HES1: variants seen among roughly 807,000 people sequenced by gnomAD.
HES1 encodes transcription factor HES-1.
A neutral mutation model predicts 21.0 loss-of-function variants in HES1; 7 were observed. The ratio of observed to expected loss-of-function variants is 0.33; its 90% CI spans 0.19 to 0.63. The LOEUF is 0.63. Among genes scored for constraint, HES1 ranks in the 20% least tolerant of loss-of-function variants. HES1 has a pLI of 0.78. For synonymous variants in HES1, 169 were observed against 171.2 expected, an observed-to-expected ratio of 0.99 and a Z score of 0.10; for missense variants, 338 against 389.8, an observed-to-expected ratio of 0.87 and a Z score of 1.12.
Position 194,137,121 on chromosome 3 carries a change from C to T in HES1, c.292+73C>T. On this transcript the variant is annotated intron_variant, in intron 3 of 3. Coordinates refer to ENST00000232424, the MANE Select transcript of HES1 (RefSeq NM_005524.4). The surrounding 1 kb of genome is among the most constrained non-coding windows in gnomAD (Gnocchi z 5.4). ...CGCGGTGATTTCTTCCAGACTTCCG[C>T]CCGTGGTTGTGAGAGGCATTCAGCT... The T allele has an allele frequency of 2.3e-6, 3 of 1,331,090 alleles. No individual in the cohort carries two copies. The Admixed American group carries it at 5.1e-5, about 23-fold the overall frequency. 82.5% of individuals were successfully genotyped at this position (1,331,090 alleles called of 1,614,324 possible).
Position 194,137,037 on chromosome 3 carries a change from C to T in HES1, c.281C>T (p.Ala94Val). The change falls in exon 3 of 4, where the codon GCG becomes GTG. Residue 94 changes from alanine (A) to valine (V), a missense_variant. Ala to Val is a moderately conservative substitution (Grantham distance 64, BLOSUM62 0). Coordinates refer to ENST00000232424, the MANE Select transcript of HES1 (RefSeq NM_005524.4). The surrounding 1 kb of genome is among the most constrained non-coding windows in gnomAD (Gnocchi z 5.4). The part of the protein sequence containing the change: ...TVKHLRNLQR[A>V]QMTAALSTDP... The stretch of plus-strand genomic sequence containing the variant: ...AAGCACCTCCGGAACCTGCAGCGGG[C>T]GCAGATGACGGGTGAGGGCGGCTCG... 1 of 1,613,996 alleles carries T rather than the reference C, an allele frequency of 6.2e-7. No homozygotes were observed. Among genetic ancestry groups the T allele is most frequent in the Non-Finnish European group, 8.5e-7 (1 of 1,179,878 alleles).
At position 194,137,251 on chromosome 3, in the gene HES1, C is replaced by G; in HGVS notation, c.292+203C>G. Reference sequence around the variant, plus strand: ...TCCGGAAAGGGAGGGAAAGAGGTTGCAGCCGCGAGGGTGGCGGGCGCCGGG... The same window carrying G: ...TCCGGAAAGGGAGGGAAAGAGGTTGGAGCCGCGAGGGTGGCGGGCGCCGGG... On this transcript the variant is annotated intron_variant, in intron 3 of 3. Transcript: ENST00000232424. The surrounding 1 kb of genome is among the most constrained non-coding windows in gnomAD (Gnocchi z 5.4). 1.6e-6 allele frequency: 1 copy of G among 622,432 alleles called. No homozygotes were observed. Among genetic ancestry groups the G allele is most frequent in the East Asian group, 2.7e-5 (1 of 36,428 alleles). The allele number at this position is 622,432 out of a possible 1,614,324, so 38.6% of individuals were successfully genotyped here.
At position 194,137,858 on chromosome 3, in the gene HES1, C is replaced by T. The variant is rs144918671; in HGVS notation, c.468C>T (p.Pro156=). 28 of 1,535,086 alleles carry T rather than the reference C, an allele frequency of 1.8e-5. No individual in the cohort carries two copies. Among genetic ancestry groups the T allele is most frequent in the Non-Finnish European group, 2.4e-5 (27 of 1,138,730 alleles). ...CMTQINAMTY[P]GQPHPALQAP... is the part of the protein sequence containing the mutation. ...CCCAGATCAATGCCATGACCTACCC[C>T]GGGCAGCCGCACCCCGCCTTGCAGG... Residue 156 remains proline, a synonymous_variant, in exon 4 of 4, where the codon CCC becomes CCT. Coordinates refer to ENST00000232424, the MANE Select transcript of HES1 (RefSeq NM_005524.4). The surrounding 1 kb of genome is among the most constrained non-coding windows in gnomAD (Gnocchi z 5.4).
In HES1 at chr3:194,137,712, G is replaced by C. The variant is rs777042921; in HGVS notation, c.322G>C (p.Gly108Arg). 1.2e-5 allele frequency: 19 copies of C among 1,613,390 alleles called. No homozygotes were observed. The highest frequency in any genetic ancestry group is 4.2e-6 in the Non-Finnish European group (5 of 1,179,756). Residue 108 changes from glycine (G) to arginine (R), a missense_variant, in exon 4 of 4, where the codon GGG becomes CGG. Transcript: ENST00000232424. This position sits in a 1 kb window ranked among gnomAD's most constrained non-coding sequence, Gnocchi z 5.4. Reference sequence around the variant, plus strand: ...GCTGAGCACAGACCCAAGTGTGCTGGGGAAGTACCGAGCCGGCTTCAGCGA... The same window carrying C: ...GCTGAGCACAGACCCAAGTGTGCTGCGGAAGTACCGAGCCGGCTTCAGCGA... The part of the protein sequence containing the change: ...AALSTDPSVL[G>R]KYRAGFSECM...
Position 194,137,955 on chromosome 3 carries a change from C to T in HES1, c.565C>T (p.Pro189Ser), listed in dbSNP as rs1247889174. Residue 189 changes from proline to serine, a missense_variant, in exon 4 of 4, where the codon CCC becomes TCC. Transcript: ENST00000232424. This position sits in a 1 kb window ranked among gnomAD's most constrained non-coding sequence, Gnocchi z 5.4. Reference protein sequence around the residue: ...APFAPPPPLVPIPGGAAPPPG... With the variant: ...APFAPPPPLVSIPGGAAPPPG... ...GTTCGCGCCGCCGCCGCCACTCGTG[C>T]CCATCCCCGGGGGCGCGGCGCCCCC... 2 of 1,347,666 alleles carry T rather than the reference C, an allele frequency of 1.5e-6. No individual in the cohort carries two copies. The highest frequency in any genetic ancestry group is 1.9e-6 in the Non-Finnish European group (2 of 1,047,546). The allele number at this position is 1,347,666 out of a possible 1,614,324, so 83.5% of individuals were successfully genotyped here. A position where few individuals can be genotyped will look rare whatever the true frequency, so the allele number is the denominator to read the frequency against.
At position 194,136,225 on chromosome 3, in the gene HES1, T is replaced by G. The variant is rs1443947748; in HGVS notation, c.-156T>G. On this transcript the variant is annotated 5_prime_UTR_variant, in exon 1 of 4. Transcript: ENST00000232424. ...CTCCTTGGTCCTGGAACAGCGCTAC[T>G]GATCACCAAGTAGCCACAAAATATA... The G allele has an allele frequency of 1.7e-6, 1 of 605,658 alleles. No homozygotes were observed. Among genetic ancestry groups the G allele is most frequent in the East Asian group, 2.8e-5 (1 of 35,690 alleles). 37.5% of individuals were successfully genotyped at this position (605,658 alleles called of 1,614,324 possible). A position where few individuals can be genotyped will look rare whatever the true frequency, so the allele number is the denominator to read the frequency against.
In HES1 at chr3:194,137,941, C is replaced by T; in HGVS notation, c.551C>T (p.Pro184Leu). Residue 184 changes from proline (P) to leucine (L), a missense_variant, in exon 4 of 4, where the codon CCG becomes CTG. Coordinates refer to ENST00000232424, the MANE Select transcript of HES1 (RefSeq NM_005524.4). The surrounding 1 kb of genome is among the most constrained non-coding windows in gnomAD (Gnocchi z 5.4). ...CCCCAGCACGCGCCGTTCGCGCCGC[C>T]GCCGCCACTCGTGCCCATCCCCGGG... ...GGPQHAPFAPPPPLVPIPGGA... is the reference protein window; with the variant it reads ...GGPQHAPFAPLPPLVPIPGGA... 1.5e-6 allele frequency: 2 copies of T among 1,307,054 alleles called. No homozygotes were observed. The highest frequency in any genetic ancestry group is 9.7e-7 in the Non-Finnish European group (1 of 1,028,392). 81.0% of individuals were successfully genotyped at this position (1,307,054 alleles called of 1,614,324 possible).
chr3:194,138,263 TC>T lies in HES1; in HGVS notation c.*34del. 1 of 1,500,196 alleles carries T rather than the reference TC, an allele frequency of 6.7e-7. No homozygotes were observed. The highest frequency in any genetic ancestry group is 8.9e-7 in the Non-Finnish European group (1 of 1,123,386). 92.9% of individuals were successfully genotyped at this position (1,500,196 alleles called of 1,614,324 possible). On this transcript the variant is annotated 3_prime_UTR_variant, in exon 4 of 4. Transcript: ENST00000232424. The stretch of plus-strand genomic sequence containing the variant: ...GCTCAGGCCACCCCTCCTCCTAAAC[TC>T]CCCAACCCACCTCTCTTCCCTCCGG...
chr3:194,136,538 G>A, intron 1 of HES1, 50 bp downstream of exon 1: 2 of 1,556,522 alleles, frequency 1.3e-6, no homozygotes, highest in South Asian at 1.2e-5. Context: ...TTAAGTAGGG[G>A]TTGGGGGGCT....
rs777856714 is a variant in HES1, at chr3:194,138,007, G to T, written c.617G>T (p.Gly206Val). 1.7e-5 allele frequency: 26 copies of T among 1,508,932 alleles called. No individual in the cohort carries two copies. The highest frequency in any genetic ancestry group is 2.2e-5 in the Non-Finnish European group (25 of 1,124,638). The allele number at this position is 1,508,932 out of a possible 1,614,324, so 93.5% of individuals were successfully genotyped here. A position where few individuals can be genotyped will look rare whatever the true frequency, so the allele number is the denominator to read the frequency against. Residue 206 changes from glycine to valine, a missense_variant, in exon 4 of 4, where the codon GGC becomes GTC. Physicochemically the swap from Gly to Val is moderately radical, Grantham distance 109. Transcript: ENST00000232424. ...CCCGGCGGCGCCCCCTGCAAGCTGG[G>T]CAGCCAGGCTGGAGAGGCGGCTAAG... is the stretch of plus-strand genomic sequence containing the variant. ...PPPGGAPCKLGSQAGEAAKVF... is the reference protein window; with the variant it reads ...PPPGGAPCKLVSQAGEAAKVF...
chr3:194,137,780 C>T lies in HES1; in HGVS notation c.390C>T (p.Gly130=). The part of the protein sequence containing the change: ...EVTRFLSTCE[G]VNTEVRTRLL... ...CCCGCTTCCTGTCCACGTGCGAGGG[C>T]GTTAATACCGAGGTGCGCACTCGGC... The change falls in exon 4 of 4, where the codon GGC becomes GGT. Residue 130 remains glycine, a synonymous_variant. Coordinates refer to ENST00000232424, the MANE Select transcript of HES1 (RefSeq NM_005524.4). This position sits in a 1 kb window ranked among gnomAD's most constrained non-coding sequence, Gnocchi z 5.4. 6.2e-7 allele frequency: 1 copy of T among 1,613,812 alleles called. No homozygotes were observed.
In HES1 at chr3:194,136,373, AAAG is replaced by A. The variant is rs1268297894; in HGVS notation, c.-7_-5del. ...TTCTCTAGAGATAAAAAAAAAAAAA[AAAG>A]GAAAATGCCAGCTGATATAATGGAG... On this transcript the variant is annotated 5_prime_UTR_variant, in exon 1 of 4. Coordinates refer to ENST00000232424, the MANE Select transcript of HES1 (RefSeq NM_005524.4). 2 of 1,535,686 alleles carry A rather than the reference AAAG, an allele frequency of 1.3e-6. No homozygotes were observed. Among genetic ancestry groups the A allele is most frequent in the Admixed American group, 2.2e-5 (1 of 44,804 alleles).
rs767688346 is a variant in HES1 at position 194,136,488 on chromosome 3, G to A, written c.108G>A (p.Lys36=). Residue 36 remains lysine (K), a splice_region_variant and synonymous_variant, in exon 1 of 4, where the codon AAG becomes AAA. Coordinates refer to ENST00000232424, the MANE Select transcript of HES1 (RefSeq NM_005524.4). ...CAAAGACAGCATCTGAGCACAGAAA[G>A]GTAAGGGCGGTACCTGTATCTCTTT... The part of the protein sequence containing the change: ...DKPKTASEHR[K]SSKPIMEKRR... The A allele has an allele frequency of 1.9e-6, 3 of 1,603,064 alleles. No homozygotes were observed. The highest frequency in any genetic ancestry group is 2.6e-6 in the Non-Finnish European group (3 of 1,173,976).
chr3:194,137,456 G>T lies in HES1; in HGVS notation c.293-227G>T, dbSNP rs374513189. On this transcript the variant is annotated intron_variant, in intron 3 of 3. Coordinates refer to ENST00000232424, the MANE Select transcript of HES1 (RefSeq NM_005524.4). This position sits in a 1 kb window ranked among gnomAD's most constrained non-coding sequence, Gnocchi z 5.4. ...GGTGACAGATCTGGGGCTGAGATAG[G>T]TTTAAATGCAGCTACAGGGAATCGG... Among the ~76,000 whole-genome samples the T allele has an allele frequency of 2.4e-3, 373 of 152,326 alleles. No individual in the cohort carries two copies. Among genetic ancestry groups the T allele is most frequent in the African/African-American group, 8.5e-3 (353 of 41,570 alleles).
chr3:194,136,749 A>C (rs1715349650), intron 2 of HES1, 37 bp downstream of exon 2: 1 of 1,559,648 alleles, frequency 6.4e-7, no homozygotes, highest in South Asian at 1.1e-5. Context: ...TTTAATTAAA[A>C]AACAAACACT....
rs1228265266 is a variant in HES1 at position 194,136,658 on chromosome 3, A to G, written c.150A>G (p.Ile50Met). The change falls in exon 2 of 4, where the codon ATA becomes ATG. Residue 50 changes from isoleucine to methionine, a missense_variant. Physicochemically the swap from Ile to Met is conservative, Grantham distance 10. Transcript: ENST00000232424. The part of the protein sequence containing the change: ...PIMEKRRRAR[I>M]NESLSQLKTL... ...TGGAGAAAAGACGAAGAGCAAGAATAAATGAAAGTCTGAGCCAGCTGAAAA... is the reference window on the plus strand; with the variant it reads ...TGGAGAAAAGACGAAGAGCAAGAATGAATGAAAGTCTGAGCCAGCTGAAAA... The G allele has an allele frequency of 6.2e-7, 1 of 1,614,008 alleles. No individual in the cohort carries two copies. Among genetic ancestry groups the G allele is most frequent in the Admixed American group, 1.7e-5 (1 of 59,986 alleles).
chr3:194,137,297 A>G lies in HES1; in HGVS notation c.292+249A>G. 1.7e-6 allele frequency: 1 copy of G among 592,692 alleles called. No individual in the cohort carries two copies. Among genetic ancestry groups the G allele is most frequent in the East Asian group, 2.8e-5 (1 of 35,476 alleles). The allele number at this position is 592,692 out of a possible 1,614,324, so 36.7% of individuals were successfully genotyped here. A position where few individuals can be genotyped will look rare whatever the true frequency, so the allele number is the denominator to read the frequency against. On this transcript the variant is annotated intron_variant, in intron 3 of 3. Transcript: ENST00000232424. This position sits in a 1 kb window ranked among gnomAD's most constrained non-coding sequence, Gnocchi z 5.4. The stretch of plus-strand genomic sequence containing the variant: ...CCGGGTAGGGGCGAAAGGACTTAGG[A>G]CTGTGGCGGTTTGGAACTGCGTGGA...
rs1715398504 is a variant in HES1 at position 194,138,279 on chromosome 3, C to T, written c.*46C>T. The T allele has an allele frequency of 7.5e-6, 11 of 1,473,994 alleles. No individual in the cohort carries two copies. Among genetic ancestry groups the T allele is most frequent in the Non-Finnish European group, 9.9e-6 (11 of 1,111,510 alleles). 91.3% of individuals were successfully genotyped at this position (1,473,994 alleles called of 1,614,324 possible). On this transcript the variant is annotated 3_prime_UTR_variant, in exon 4 of 4. Coordinates refer to ENST00000232424, the MANE Select transcript of HES1 (RefSeq NM_005524.4). ...CTCCTAAACTCCCCAACCCACCTCTCTTCCCTCCGGACTCTAAACAGGAAC... is the reference window on the plus strand; with the variant it reads ...CTCCTAAACTCCCCAACCCACCTCTTTTCCCTCCGGACTCTAAACAGGAAC...
chr3:194,137,855 C>T lies in HES1; in HGVS notation c.465C>T (p.Tyr155=). The T allele has an allele frequency of 6.5e-7, 1 of 1,540,268 alleles. No homozygotes were observed. ...NCMTQINAMT[Y]PGQPHPALQA... is the part of the protein sequence containing the mutation. ...TGACCCAGATCAATGCCATGACCTA[C>T]CCCGGGCAGCCGCACCCCGCCTTGC... is the stretch of plus-strand genomic sequence containing the variant. Residue 155 remains tyrosine (Y), a synonymous_variant, in exon 4 of 4, where the codon TAC becomes TAT. Coordinates refer to ENST00000232424, the MANE Select transcript of HES1 (RefSeq NM_005524.4). The surrounding 1 kb of genome is among the most constrained non-coding windows in gnomAD (Gnocchi z 5.4).
Sources: gnomAD v4.1 joint callset for allele counts (sites outside exome capture counted in the v4.1 genomes callset) on GRCh38, gnomAD v4.1.1 for gene constraint, Gnocchi (gnomAD v3.1) non-coding constraint, MANE v1.5 for transcripts, NCBI Gene and HGNC (gene_info 2026-07-23, HGNC 2026-07-21) for gene names.